SDR16C5: variants seen among roughly 807,000 people sequenced by gnomAD.
SDR16C5 encodes the protein short chain dehydrogenase/reductase family 16C member 5, also known as epidermal retinol dehydrogenase 2.
A neutral mutation model predicts 27.7 loss-of-function variants in SDR16C5; 20 were observed. That is an observed-to-expected ratio of 0.72 (90% CI 0.51 to 1.05). The LOEUF is 1.05. Among genes scored for constraint, SDR16C5 ranks in the 50% least tolerant of loss-of-function variants. The pLI, the probability that SDR16C5 is intolerant of heterozygous loss-of-function variation, is 0.00. For synonymous variants in SDR16C5, 139 were observed against 132.3 expected, an observed-to-expected ratio of 1.05 and a Z score of -0.35; for missense variants, 374 against 366.3, an observed-to-expected ratio of 1.02 and a Z score of -0.17.
chr8:56,308,154 C>T (rs1396060820), intron 4 of SDR16C5, among the ~76,000 whole-genome samples: 1 of 152,158 alleles, frequency 6.6e-6, no homozygotes, highest in Admixed American at 6.5e-5. Context: ...TTTTGTGAAT[C>T]TTGAACTACG....
intron 2 of SDR16C5, among the ~76,000 whole-genome samples, chr8:56,312,977 C>T (rs1815088173): frequency 6.6e-6 from 1 of 152,104 alleles, no homozygotes; most frequent in South Asian, 2.1e-4. Context: ...AGGTTTTCAC[C>T]GTGTTAGCCA....
Position 56,316,083 on chromosome 8 carries a change from C to T in SDR16C5, c.265G>A (p.Ala89Thr). The T allele has an allele frequency of 6.2e-7, 1 of 1,614,156 alleles. No homozygotes were observed. The change falls in exon 2 of 7, where the codon GCC becomes ACC. Residue 89 changes from alanine (A) to threonine (T), a missense_variant. By Grantham distance (58) the Ala-to-Thr change is moderately conservative. Transcript: ENST00000303749. ...ETCKMAREAG[A>T]TRVHAYTCDC... ...CAGGTATAGGCGTGCACTCTTGTGG[C>T]TCCAGCTTCCCGAGCCATCTTACAT...
At chr8:56,302,672 CA>C (rs36094743) in intron 6 of SDR16C5, among the ~76,000 whole-genome samples, 2,305 of 109,146 alleles carry the variant, frequency 0.021, 62 homozygotes, top group African/African-American at 0.056. Flanking sequence ...GAGTCCATCT[CA>C]AAAAAAAAAA....
chr8:56,310,172 A>G (rs1244889311), intron 3 of SDR16C5, among the ~76,000 whole-genome samples: 2 of 39,826 alleles, frequency 5.0e-5, no homozygotes, highest in African/African-American at 2.4e-4. Flanking sequence ...AGGAGGGAGG[A>G]GGAGGAGGAG....
rs747635432 is a variant in SDR16C5, at chr8:56,316,354, G to T, written c.-7C>A. ...ATTGCAGGTTGAAAGACATGTTCTG[G>T]CTGACACCTGTGAAGAAAGACAGAT... On this transcript the variant is annotated 5_prime_UTR_variant, in exon 2 of 7. Coordinates refer to ENST00000303749, the MANE Select transcript of SDR16C5 (RefSeq NM_138969.4). 2 of 1,600,142 alleles carry T rather than the reference G, an allele frequency of 1.2e-6. No homozygotes were observed. The highest frequency in any genetic ancestry group is 1.7e-6 in the Non-Finnish European group (2 of 1,167,776).
At chr8:56,309,874 T>G (rs1268778699) in intron 3 of SDR16C5, among the ~76,000 whole-genome samples, 1 of 152,020 alleles carries the variant, frequency 6.6e-6, no homozygotes, top group East Asian at 1.9e-4. Flanking sequence ...AGCCCAGCCT[T>G]CAGGTAGCTC....
At chr8:56,308,374 A>G (rs1299585848) in intron 4 of SDR16C5, among the ~76,000 whole-genome samples, 1 of 152,170 alleles carries the variant, frequency 6.6e-6, no homozygotes, top group Non-Finnish European at 1.5e-5. Flanking sequence ...TCCTTGGTTG[A>G]GGGTCTTGAA....
At chr8:56,317,705 G>C (rs1187353466) in intron 1 of SDR16C5, among the ~76,000 whole-genome samples, 1 of 152,236 alleles carries the variant, frequency 6.6e-6, no homozygotes, top group East Asian at 1.9e-4. Flanking sequence ...AATGTCGAGA[G>C]TCGATGCAAC....
chr8:56,318,480 A>G (rs1450484956), intron 1 of SDR16C5, among the ~76,000 whole-genome samples: 1 of 152,068 alleles, frequency 6.6e-6, no homozygotes, highest in African/African-American at 2.4e-5. Flanking sequence ...GTAATGGGAA[A>G]CCCTAGGCGC....
At chr8:56,303,391 T>C (rs1310209074) in intron 6 of SDR16C5, among the ~76,000 whole-genome samples, 1 of 152,134 alleles carries the variant, frequency 6.6e-6, no homozygotes, top group Non-Finnish European at 1.5e-5. Context: ...TTTCCTTTTT[T>C]CCCTTTCCTG....
In SDR16C5 at chr8:56,316,116, C is replaced by T; in HGVS notation, c.232G>A (p.Glu78Lys). 2 of 1,614,128 alleles carry T rather than the reference C, an allele frequency of 1.2e-6. No individual in the cohort carries two copies. Among genetic ancestry groups the T allele is most frequent in the Non-Finnish European group, 8.5e-7 (1 of 1,179,980 alleles). Residue 78 changes from glutamate to lysine, a missense_variant, in exon 2 of 7, where the codon GAG becomes AAG. By Grantham distance (56) the Glu-to-Lys change is moderately conservative. Transcript: ENST00000303749. The part of the protein sequence containing the change: ...VLWDINKEGN[E>K]ETCKMAREAG... ...TCCCGAGCCATCTTACATGTTTCCT[C>T]ATTCCCCTCCTTATTGATATCCCAG...
intron 4 of SDR16C5, among the ~76,000 whole-genome samples, chr8:56,307,024 T>C (rs1221972510): frequency 6.6e-6 from 1 of 152,118 alleles, no homozygotes; most frequent in Non-Finnish European, 1.5e-5. Flanking sequence ...CAGTTGACAA[T>C]GACCAAGTAG....
intron 3 of SDR16C5, among the ~76,000 whole-genome samples, chr8:56,311,402 T>C (rs990492173): frequency 6.6e-6 from 1 of 152,150 alleles, no homozygotes; most frequent in Non-Finnish European, 1.5e-5. Context: ...GGAGACAGAA[T>C]GAGACTCTGT....
At chr8:56,311,273 G>A (rs1311384099) in intron 3 of SDR16C5, among the ~76,000 whole-genome samples, 1 of 152,076 alleles carries the variant, frequency 6.6e-6, no homozygotes, top group African/African-American at 2.4e-5. Context: ...AAATTAGTTG[G>A]GTGTGGTGGC....
chr8:56,305,465 T>G lies in SDR16C5; in HGVS notation c.836+132A>C, dbSNP rs1162525967. On this transcript the variant is annotated intron_variant, in intron 6 of 6. Transcript: ENST00000303749. ...TCAGCAATGGGCACAATGATAGGAC[T>G]AACAGGACTTAATAGAATTAAATTA... is the stretch of plus-strand genomic sequence containing the variant. 32 of 791,424 alleles carry G rather than the reference T, an allele frequency of 4.0e-5. 1 individual carries two copies. In the East Asian group the frequency reaches 1.0e-3, roughly 26 times the overall value. The allele number at this position is 791,424 out of a possible 1,614,324, so 49.0% of individuals were successfully genotyped here.
rs1199720368 is a variant in SDR16C5 at position 56,300,922 on chromosome 8, G to A, written c.*558C>T. On this transcript the variant is annotated 3_prime_UTR_variant, in exon 7 of 7. Coordinates refer to ENST00000303749, the MANE Select transcript of SDR16C5 (RefSeq NM_138969.4). ...GACTGCCACTCGGTCTGCGTATCCA[G>A]GGCATTCAGAAGCATTTGTGTAGCT... The A allele has an allele frequency of 6.5e-6, 1 of 152,870 alleles. No individual in the cohort carries two copies. The highest frequency in any genetic ancestry group is 1.5e-5 in the Non-Finnish European group (1 of 68,546). The allele number at this position is 152,870 out of a possible 1,614,324, so 9.5% of individuals were successfully genotyped here. A position where few individuals can be genotyped will look rare whatever the true frequency, so the allele number is the denominator to read the frequency against.
Position 56,305,583 on chromosome 8 carries a change from G to A in SDR16C5, c.836+14C>T, listed in dbSNP as rs200310812. ...CTGGCATGTTAGGGAAGTAATAGAA[G>A]CTGATGTAATTACCTTTTAAGAAAC... On this transcript the variant is annotated intron_variant, in intron 6 of 6. Transcript: ENST00000303749. The A allele has an allele frequency of 2.7e-5, 43 of 1,569,552 alleles. No individual in the cohort carries two copies. Among genetic ancestry groups the A allele is most frequent in the Non-Finnish European group, 3.5e-5 (41 of 1,165,500 alleles).
intron 6 of SDR16C5, among the ~76,000 whole-genome samples, chr8:56,304,449 G>T (rs1385522366): frequency 6.6e-6 from 1 of 152,104 alleles, no homozygotes; most frequent in Non-Finnish European, 1.5e-5. Flanking sequence ...CACTATCCTT[G>T]TAAGTGGGTC....
At chr8:56,319,049 C>A (rs1174260819) in intron 1 of SDR16C5, among the ~76,000 whole-genome samples, 1 of 151,008 alleles carries the variant, frequency 6.6e-6, no homozygotes, top group Non-Finnish European at 1.5e-5. Context: ...GAGAATTAAA[C>A]CAGTTTATAT....
Sources: gnomAD v4.1 joint callset for allele counts (sites outside exome capture counted in the v4.1 genomes callset) on GRCh38, gnomAD v4.1.1 for gene constraint, MANE v1.5 for transcripts, NCBI Gene and HGNC (gene_info 2026-07-23, HGNC 2026-07-21) for gene names.